Variants in ACTR8 observed in about 807,000 individuals in gnomAD.
The protein encoded by ACTR8 is actin related protein 8.
Under a neutral mutation model 84.3 loss-of-function variants are expected in ACTR8, and 70 were observed. The ratio of observed to expected loss-of-function variants is 0.83; its 90% CI spans 0.68 to 1.01. ACTR8 has a LOEUF of 1.01. Among genes scored for constraint, ACTR8 ranks in the 50% least tolerant of loss-of-function variants. ACTR8 has a pLI of 0.00. For synonymous variants in ACTR8, 268 were observed against 275.2 expected (o/e 0.97, Z 0.26); for missense variants, 672 against 775.4 (o/e 0.87, Z 1.58).
chr3:53,872,552 C>T, intron 9 of ACTR8, 28 bp from the exon 10 acceptor site: 2 of 1,546,614 alleles, frequency 1.3e-6, no homozygotes, highest in Non-Finnish European at 1.7e-6. Context: ...GAGTGATCAA[C>T]AAAAGATACT....
intron 6 of ACTR8, 148 bp from the exon 7 acceptor site, chr3:53,876,228 A>AAGTC (rs1365960563): frequency 9.4e-7 from 1 of 1,065,486 alleles, no homozygotes; most frequent in African/African-American, 1.6e-5. Flanking sequence ...GCATTTAAAT[A>AAGTC]AGTCAGTAGG....
rs544543484 is a variant in ACTR8 at position 53,876,261 on chromosome 3, G to C, written c.779-181C>G. On this transcript the variant is annotated intron_variant, in intron 6 of 12. Transcript: ENST00000335754. ...AGGCCCGGCGCGGTGGCTCACGTCTGTAATCCCAGCACTTTGGGAGGCCAA... is the reference window on the plus strand; with the variant it reads ...AGGCCCGGCGCGGTGGCTCACGTCTCTAATCCCAGCACTTTGGGAGGCCAA... Among the ~76,000 whole-genome samples, 37 of 152,282 alleles carry C rather than the reference G, an allele frequency of 2.4e-4. No homozygotes were observed. The South Asian group carries it at 7.1e-3, about 29-fold the overall frequency.
chr3:53,878,132 A>G (rs1213415498), intron 3 of ACTR8, among the ~76,000 whole-genome samples: 1 of 152,176 alleles, frequency 6.6e-6, no homozygotes, highest in African/African-American at 2.4e-5. Flanking sequence ...TCTCAGGTAA[A>G]GTATAAACTT....
rs1258551388 is a variant in ACTR8, at chr3:53,880,010, T to C, written c.223A>G (p.Ile75Val). ...DTLPASIPHV[I>V]ARRHKQQGQP... ...CCTTGTTGTTTGTGTCTTCGGGCAA[T>C]GACGTGAGGAATGCTGGCAGGAAGA... Residue 75 changes from isoleucine (I) to valine (V), a missense_variant, in exon 2 of 13, where the codon ATT becomes GTT. Physicochemically the swap from Ile to Val is conservative, Grantham distance 29. Transcript: ENST00000335754. 1 of 1,614,040 alleles carries C rather than the reference T, an allele frequency of 6.2e-7. No homozygotes were observed. The highest frequency in any genetic ancestry group is 8.5e-7 in the Non-Finnish European group (1 of 1,180,012).
At chr3:53,859,509 G>A in the ACTR8 span, 1 of 152,470 alleles carries the variant, frequency 6.6e-6, no homozygotes, top group Non-Finnish European at 1.5e-5. Context: ...GAGCTTACCT[G>A]ATGTTCTTGT....
At chr3:53,875,673 C>T (rs894493773) in intron 7 of ACTR8, among the ~76,000 whole-genome samples, 6 of 152,222 alleles carry the variant, frequency 3.9e-5, no homozygotes, top group Non-Finnish European at 7.3e-5. Context: ...CTACTGTTTA[C>T]GTTTCCCCTA....
downstream of ACTR8, among the ~76,000 whole-genome samples, chr3:53,863,108 G>A (rs992050391): frequency 2.9e-4 from 44 of 152,014 alleles, no homozygotes; most frequent in African/African-American, 1.1e-3. Context: ...TTTTTCTCTA[G>A]CTTACTTTAT....
intron 9 of ACTR8, 46 bp from the exon 10 acceptor site, chr3:53,872,570 GA>G: frequency 4.7e-6 from 7 of 1,505,002 alleles, no homozygotes; most frequent in South Asian, 2.7e-5. Context: ...ACTGCATCCT[GA>G]AAAAAACTGA....
At position 53,882,114 on chromosome 3, in the gene ACTR8, C is replaced by T; in HGVS notation, c.-13G>A. On this transcript the variant is annotated 5_prime_UTR_variant, in exon 1 of 13. Coordinates refer to ENST00000335754, the MANE Select transcript of ACTR8 (RefSeq NM_022899.5). Reference sequence around the variant, plus strand: ...CAGCCTGGGTCATTATGGCCGGAGACACCCACCAACCTCTCGCCTCAGCGC... The same window carrying T: ...CAGCCTGGGTCATTATGGCCGGAGATACCCACCAACCTCTCGCCTCAGCGC... 6.4e-7 allele frequency: 1 copy of T among 1,551,280 alleles called. No individual in the cohort carries two copies. The highest frequency in any genetic ancestry group is 8.7e-7 in the Non-Finnish European group (1 of 1,146,712).
intron 8 of ACTR8, among the ~76,000 whole-genome samples, chr3:53,873,743 A>AG (rs1699923728): frequency 6.6e-6 from 1 of 152,056 alleles, no homozygotes; most frequent in Non-Finnish European, 1.5e-5. Flanking sequence ...TTAGCAAAAA[A>AG]CTCTCACTCC....
downstream of ACTR8, among the ~76,000 whole-genome samples, chr3:53,866,611 A>C (rs1252239127): frequency 6.6e-6 from 1 of 151,418 alleles, no homozygotes; most frequent in Non-Finnish European, 1.5e-5. Context: ...CCTCCTGAGT[A>C]GCTGGGACTA....
Position 53,873,085 on chromosome 3 carries a change from G to A in ACTR8, c.1108C>T (p.Pro370Ser), listed in dbSNP as rs774612263. The change falls in exon 9 of 13, where the codon CCT (proline) becomes TCT (serine). Residue 370 changes from proline (P) to serine (S), a missense_variant. Pro to Ser is a moderately conservative substitution (Grantham distance 74, BLOSUM62 -1). Coordinates refer to ENST00000335754, the MANE Select transcript of ACTR8 (RefSeq NM_022899.5). ...LQDHEFQIRH[P>S]DSPALLYQFR... is the part of the protein sequence containing the mutation. Reference sequence around the variant, plus strand: ...TGGTAAAGCAGGGCAGGAGAATCAGGATGTCGAATCTGAAACTCATGGTCC... The same window carrying A: ...TGGTAAAGCAGGGCAGGAGAATCAGAATGTCGAATCTGAAACTCATGGTCC... The A allele has an allele frequency of 6.2e-7, 1 of 1,611,920 alleles. No homozygotes were observed. The highest frequency in any genetic ancestry group is 8.5e-7 in the Non-Finnish European group (1 of 1,178,754).
Position 53,877,361 on chromosome 3 carries a change from A to G in ACTR8, c.537T>C (p.Cys179=). 6.2e-7 allele frequency: 1 copy of G among 1,612,572 alleles called. No individual in the cohort carries two copies. The change falls in exon 5 of 13, where the codon TGT becomes TGC. Residue 179 remains cysteine (C), a synonymous_variant. Coordinates refer to ENST00000335754, the MANE Select transcript of ACTR8 (RefSeq NM_022899.5). ...EEALYVNPLD[C]YNIHWPIRRG... ...TTCTGATAGGCCAGTGAATATTGTA[A>G]CAGTCCAGTGGATTAACATACAAGG...
Position 53,868,197 on chromosome 3 carries a change from CAA to C in ACTR8, c.*520_*521del. On this transcript the variant is annotated 3_prime_UTR_variant, in exon 13 of 13. Coordinates refer to ENST00000335754, the MANE Select transcript of ACTR8 (RefSeq NM_022899.5). ...ATCCAACAGAAAATGAAAAAAAAAA[CAA>C]AAACCACCAAAACTTTTTCCCCCTA... is the stretch of plus-strand genomic sequence containing the variant. The C allele has an allele frequency of 6.9e-6, 1 of 145,314 alleles. No individual in the cohort carries two copies. The highest frequency in any genetic ancestry group is 2.2e-4 in the South Asian group (1 of 4,572). The allele number at this position is 145,314 out of a possible 1,614,324, so 9.0% of individuals were successfully genotyped here.
At chr3:53,866,219 C>A (rs971293370), downstream of ACTR8, among the ~76,000 whole-genome samples, 2 of 152,162 alleles carry the variant, frequency 1.3e-5, no homozygotes, top group African/African-American at 4.8e-5. Flanking sequence ...TCCATCTCTA[C>A]AAAAGATTTA....
intron 3 of ACTR8, among the ~76,000 whole-genome samples, 165 bp from the exon 4 acceptor site, chr3:53,877,916 A>G (rs1160650258): frequency 6.6e-6 from 1 of 152,196 alleles, no homozygotes; most frequent in Non-Finnish European, 1.5e-5. Context: ...TGTCCTTTTT[A>G]CAATCTTGGG....
chr3:53,879,789 A>T, intron 2 of ACTR8, 150 bp downstream of exon 2: 1 of 798,386 alleles, frequency 1.3e-6, no homozygotes, highest in Non-Finnish European at 1.9e-6. Context: ...ATCTAAAGTC[A>T]CTAGCTCTGA....
chr3:53,881,667 G>A (rs1161637385), intron 1 of ACTR8: 4 of 473,778 alleles, frequency 8.4e-6, no homozygotes, highest in Non-Finnish European at 1.5e-5. Context: ...GGTTATCACC[G>A]TGGTCGTTTT....
At chr3:53,863,924 G>A (rs752484690), downstream of ACTR8, among the ~76,000 whole-genome samples, 4 of 150,994 alleles carry the variant, frequency 2.6e-5, no homozygotes, top group African/African-American at 4.9e-5. Context: ...CTGAGCTCAA[G>A]TGAACCTCCC....
Sources: allele counts gnomAD v4.1 joint callset (sites outside exome capture counted in the v4.1 genomes callset), GRCh38; gene constraint gnomAD v4.1.1; transcripts MANE v1.5; gene names NCBI Gene and HGNC (gene_info 2026-07-23, HGNC 2026-07-21).